The following CTRC variants were observed in gnomAD, a reference collection of about 807,000 sequenced individuals.
The protein encoded by CTRC is chymotrypsin-C.
CTRC carries 32 observed loss-of-function variants against 35.7 expected under a neutral mutation model. The ratio of observed to expected loss-of-function variants is 0.90; its 90% CI spans 0.68 to 1.20. The LOEUF is 1.20. CTRC is among the 50% of genes most tolerant of loss of function. CTRC has a pLI of 0.00. For synonymous variants in CTRC, 119 were observed against 149.5 expected (o/e 0.80, Z 1.49); for missense variants, 324 against 361.5 (o/e 0.90, Z 0.84).
In CTRC at chr1:15,440,305, A is replaced by G. The variant is rs765777463; in HGVS notation, c.46A>G (p.Ser16Gly). 9 of 1,339,360 alleles carry G rather than the reference A, an allele frequency of 6.7e-6. No homozygotes were observed. Among genetic ancestry groups the G allele is most frequent in the Non-Finnish European group, 8.8e-6 (9 of 1,022,472 alleles). 83.0% of individuals were successfully genotyped at this position (1,339,360 alleles called of 1,614,324 possible). A position where few individuals can be genotyped will look rare whatever the true frequency, so the allele number is the denominator to read the frequency against. ...CTGGCCTCCTGTCTCCCCAGCCTCC[A>G]GCTGTGGGGTGCCCAGCTTCCCGCC... ...VLAALLACAS[S>G]CGVPSFPPNL... is the part of the protein sequence containing the mutation. Residue 16 changes from serine to glycine, a missense_variant, in exon 2 of 8, where the codon AGC (serine) becomes GGC (glycine). Physicochemically the swap from Ser to Gly is moderately conservative, Grantham distance 56. Coordinates refer to ENST00000375949, the MANE Select transcript of CTRC (RefSeq NM_007272.3).
chr1:15,440,626 T>A, intron 3 of CTRC, 36 bp downstream of exon 3: 1 of 1,596,646 alleles, frequency 6.3e-7, no homozygotes, highest in South Asian at 1.1e-5. Context: ...CTGGCCATCG[T>A]CCGGGGGCGG....
intron 1 of CTRC, 138 bp from the exon 2 acceptor site, chr1:15,440,162 C>G: frequency 1.3e-6 from 1 of 788,690 alleles, no homozygotes; most frequent in Non-Finnish European, 2.2e-6. Context: ...GTGGCTTACC[C>G]CCGTGACACA....
Position 15,445,633 on chromosome 1 carries a change from A to G in CTRC, c.676A>G (p.Asn226Asp), listed in dbSNP as rs1708204849. The change falls in exon 7 of 8, where the codon AAC (asparagine) becomes GAC (aspartate). Residue 226 changes from asparagine (N) to aspartate (D), a missense_variant. Physicochemically the swap from Asn to Asp is conservative, Grantham distance 23 (BLOSUM62 1). Coordinates refer to ENST00000375949, the MANE Select transcript of CTRC (RefSeq NM_007272.3). ...SGGPLNCQLE[N>D]GSWEVFGIVS... ...TGGCCCACTGAACTGCCAGTTGGAG[A>G]ACGGTTCCTGGGAGGTGTTTGGCAT... 1.2e-6 allele frequency: 2 copies of G among 1,614,052 alleles called. No individual in the cohort carries two copies. The highest frequency in any genetic ancestry group is 1.7e-5 in the Admixed American group (1 of 60,008).
chr1:15,447,225 G>A lies in CTRC; in HGVS notation c.*636G>A. The stretch of plus-strand genomic sequence containing the variant: ...CTCTGCTTTGAGAAGTGTTTAGTGA[G>A]CCAGCCCCTGTGTCCAGTCCTGTGC... On this transcript the variant is annotated 3_prime_UTR_variant, in exon 8 of 8. Coordinates refer to ENST00000375949, the MANE Select transcript of CTRC (RefSeq NM_007272.3). 1 of 180,040 alleles carries A rather than the reference G, an allele frequency of 5.6e-6. No individual in the cohort carries two copies. The highest frequency in any genetic ancestry group is 1.2e-5 in the Non-Finnish European group (1 of 84,484). 11.2% of individuals were successfully genotyped at this position (180,040 alleles called of 1,614,324 possible).
At chr1:15,445,852 AT>A (rs1160248307) in intron 7 of CTRC, 103 bp downstream of exon 7, 4 of 1,361,180 alleles carry the variant, frequency 2.9e-6, no homozygotes, top group Non-Finnish European at 4.2e-6. Flanking sequence ...TCATTCATTC[AT>A]TTATTCACTC....
chr1:15,440,225 T>TA, intron 1 of CTRC, 75 bp from the exon 2 acceptor site: 2 of 608,668 alleles, frequency 3.3e-6, no homozygotes, highest in South Asian at 1.5e-5. Context: ...TTCTTCCACC[T>TA]GCCCACCCTC....
intron 5 of CTRC, 62 bp from the exon 6 acceptor site, chr1:15,444,539 AGGCCT>A (rs1421549097): frequency 1.2e-6 from 2 of 1,603,956 alleles, no homozygotes; most frequent in African/African-American, 2.7e-5. Context: ...TGCTCCCTGA[AGGCCT>A]GGGGAGGGGC....
chr1:15,439,180 C>T (rs1570780522), intron 1 of CTRC, among the ~76,000 whole-genome samples: 2 of 152,120 alleles, frequency 1.3e-5, no homozygotes, highest in East Asian at 1.9e-4. Flanking sequence ...AATCCCAGCA[C>T]TTTGGGAGGC....
Position 15,442,571 on chromosome 1 carries a change from C to T in CTRC, c.355C>T (p.Arg119Cys), listed in dbSNP as rs768853400. The T allele has an allele frequency of 2.4e-5, 38 of 1,613,802 alleles. No homozygotes were observed. The highest frequency in any genetic ancestry group is 9.3e-5 in the African/African-American group (7 of 74,918). ...VHKRWNALLL[R>C]NDIALIKLAE... ...CAAGAGATGGAATGCCCTCCTGTTGCGGTGAGTGACAGACTGCCCATCCCA... is the reference window on the plus strand; with the variant it reads ...CAAGAGATGGAATGCCCTCCTGTTGTGGTGAGTGACAGACTGCCCATCCCA... Residue 119 changes from arginine to cysteine, a missense_variant and splice_region_variant, in exon 4 of 8, where the codon CGC becomes TGC. Arg to Cys is a radical substitution (Grantham distance 180). Coordinates refer to ENST00000375949, the MANE Select transcript of CTRC (RefSeq NM_007272.3).
At chr1:15,438,743 G>A (rs922072223) in intron 1 of CTRC, among the ~76,000 whole-genome samples, 2 of 152,180 alleles carry the variant, frequency 1.3e-5, no homozygotes, top group Non-Finnish European at 2.9e-5. Flanking sequence ...TTAGAAATGA[G>A]GTGTGGAAAG....
chr1:15,440,226 G>GGGGGGCCCCCCCCCCCC, intron 1 of CTRC, 74 bp from the exon 2 acceptor site: 2 of 523,576 alleles, frequency 3.8e-6, no homozygotes, highest in African/African-American at 2.0e-5. Flanking sequence ...TCTTCCACCT[G>GGGGGGCCCCCCCCCCCC]CCCACCCTCC....
chr1:15,447,060 G>A lies in CTRC; in HGVS notation c.*471G>A, dbSNP rs541803590. On this transcript the variant is annotated 3_prime_UTR_variant, in exon 8 of 8. Transcript: ENST00000375949. ...AAGACAGGGTCTCCCCAAAAGCAGC[G>A]TCCCCCAGGCCAGAGAGACCAGGCC... 6.3e-5 allele frequency: 19 copies of A among 302,548 alleles called. No individual in the cohort carries two copies. The highest frequency in any genetic ancestry group is 1.3e-4 in the African/African-American group (6 of 45,724). The allele number at this position is 302,548 out of a possible 1,614,324, so 18.7% of individuals were successfully genotyped here.
Position 15,440,494 on chromosome 1 carries a change from T to C in CTRC, c.134T>C (p.Ile45Thr), listed in dbSNP as rs758920912. 1 of 1,614,082 alleles carries C rather than the reference T, an allele frequency of 6.2e-7. No homozygotes were observed. ...ACAGCCCTCCCCACCCTCCTGCAGA[T>C]CTCCCTCCAGTACCTCAAGAACGAC... Reference protein sequence around the residue: ...DARPHSWPWQISLQYLKNDTW... With the variant: ...DARPHSWPWQTSLQYLKNDTW... The change falls in exon 3 of 8, where the codon ATC becomes ACC. Residue 45 changes from isoleucine to threonine, a missense_variant and splice_region_variant. Physicochemically the swap from Ile to Thr is moderately conservative, Grantham distance 89. Transcript: ENST00000375949.
At chr1:15,441,217 A>G (rs1708127644) in intron 3 of CTRC, among the ~76,000 whole-genome samples, 1 of 152,206 alleles carries the variant, frequency 6.6e-6, no homozygotes, top group South Asian at 2.1e-4. Flanking sequence ...AGAAGAGGAC[A>G]AACAGAATGA....
At chr1:15,444,071 A>T (rs775853704) in intron 5 of CTRC, among the ~76,000 whole-genome samples, 18 of 151,974 alleles carry the variant, frequency 1.2e-4, no homozygotes, top group Admixed American at 3.3e-4. Flanking sequence ...TGGGCAACAT[A>T]GTGAGACCCT....
chr1:15,446,520 C>G, intron 7 of CTRC, 55 bp from the exon 8 acceptor site: 1 of 1,599,414 alleles, frequency 6.3e-7, no homozygotes, highest in Non-Finnish European at 8.6e-7. Context: ...AGCCCTGTGC[C>G]ACCCTAGAAG....
chr1:15,445,881 C>G, intron 7 of CTRC, 132 bp downstream of exon 7: 2 of 1,062,964 alleles, frequency 1.9e-6, no homozygotes, highest in Non-Finnish European at 2.8e-6. Flanking sequence ...CATTTATTCA[C>G]TCATTCATGC....
intron 7 of CTRC, 112 bp downstream of exon 7, chr1:15,445,861 C>T (rs1238614637): frequency 3.9e-6 from 5 of 1,275,198 alleles, no homozygotes; most frequent in Non-Finnish European, 5.7e-6. Flanking sequence ...CATTTATTCA[C>T]TCATTCATGC....
In CTRC at chr1:15,445,856, A is replaced by C. The variant is rs574518975; in HGVS notation, c.792+107A>C. The C allele has an allele frequency of 5.6e-5, 74 of 1,313,350 alleles. No individual in the cohort carries two copies. The Middle Eastern group carries it at 7.3e-4, about 13-fold the overall frequency. 81.4% of individuals were successfully genotyped at this position (1,313,350 alleles called of 1,614,324 possible). On this transcript the variant is annotated intron_variant, in intron 7 of 7. Transcript: ENST00000375949. ...CATGCGTTTATTCATTCATTCATTT[A>C]TTCACTCATTCATGCATTTATTCAC...
Sources: gnomAD v4.1 joint callset for allele counts (sites outside exome capture counted in the v4.1 genomes callset) on GRCh38, gnomAD v4.1.1 for gene constraint, MANE v1.5 for transcripts, NCBI Gene and HGNC (gene_info 2026-07-23, HGNC 2026-07-21) for gene names.